The following ANKRD6 variants were observed in gnomAD, a reference collection of about 807,000 sequenced individuals.
ANKRD6 encodes the protein ankyrin repeat domain 6.
In ANKRD6, 56 loss-of-function variants were observed where a neutral mutation model predicts 82.3. That is an observed-to-expected ratio of 0.68 (90% CI 0.55 to 0.85). The LOEUF is 0.85. Ranked by LOEUF, ANKRD6 falls within the 40% of genes least tolerant of loss-of-function variation. ANKRD6 has a pLI of 0.00. For synonymous variants in ANKRD6, 347 were observed against 352.1 expected (o/e 0.99, Z 0.16); for missense variants, 852 against 907.6 (o/e 0.94, Z 0.79).
intron 2 of ANKRD6, among the ~76,000 whole-genome samples, chr6:89,567,929 G>A (rs952300565): frequency 4.6e-5 from 7 of 152,162 alleles, no homozygotes; most frequent in Non-Finnish European, 8.8e-5. Context: ...TGTGAAGAGG[G>A]GCAAAGTTTA....
intron 1 of ANKRD6, among the ~76,000 whole-genome samples, chr6:89,492,405 C>G (rs1200974081): frequency 6.6e-6 from 1 of 152,028 alleles, no homozygotes; most frequent in Non-Finnish European, 1.5e-5. Context: ...CACCGGGTGA[C>G]CCAGCAAAAA....
At chr6:89,583,507 G>T (rs1433339750) in intron 2 of ANKRD6, among the ~76,000 whole-genome samples, 1 of 152,180 alleles carries the variant, frequency 6.6e-6, no homozygotes, top group Admixed American at 6.5e-5. Context: ...GCAAAGGTAG[G>T]TAGGTGTCCC....
rs923107732 is a variant in ANKRD6 at position 89,623,456 on chromosome 6, C to T, written c.944C>T (p.Ala315Val). 2 of 1,610,202 alleles carry T rather than the reference C, an allele frequency of 1.2e-6. No homozygotes were observed. The highest frequency in any genetic ancestry group is 2.2e-5 in the East Asian group (1 of 44,764). The change falls in exon 11 of 16, where the codon GCC (alanine) becomes GTC (valine). Residue 315 changes from alanine (A) to valine (V), a missense_variant. Ala to Val is a moderately conservative substitution (Grantham distance 64). Transcript: ENST00000339746. ...ACCCCCAGCAGTGAACAGGCTGTGG[C>T]CAGAAAAGAAGAAGCCAGAGAAGAG... ...GDTPSSEQAV[A>V]RKEEAREEFL...
At chr6:89,518,350 C>T (rs1013007973) in intron 1 of ANKRD6, among the ~76,000 whole-genome samples, 7 of 150,960 alleles carry the variant, frequency 4.6e-5, no homozygotes, top group East Asian at 3.9e-4. Flanking sequence ...GGCGGTGAGC[C>T]GAGATCGCGC....
At chr6:89,564,352 A>T (rs544804791) in intron 1 of ANKRD6, among the ~76,000 whole-genome samples, 3 of 152,252 alleles carry the variant, frequency 2.0e-5, no homozygotes, top group African/African-American at 7.2e-5. Context: ...CTGCTTGGCC[A>T]ATGTTTTCTC....
chr6:89,496,374 G>T lies in ANKRD6; in HGVS notation c.-144+62999G>T, dbSNP rs78619571. Among the ~76,000 whole-genome samples the T allele has an allele frequency of 3.1e-3, 468 of 152,290 alleles. 20 individuals are homozygous for T. In the East Asian group the frequency reaches 0.073, roughly 24 times the overall value. On this transcript the variant is annotated intron_variant, in intron 1 of 15. Transcript: ENST00000339746. ...CTGGGATCCTGTTGATAACAAGCTT[G>T]CAGGAAACTCACTGAAGTCAACGTG...
At chr6:89,626,506 C>T (rs1226715379) in intron 13 of ANKRD6, among the ~76,000 whole-genome samples, 2 of 152,188 alleles carry the variant, frequency 1.3e-5, no homozygotes, top group African/African-American at 2.4e-5. Flanking sequence ...TCCTAGAAAA[C>T]AGGAGGAGCA....
intron 2 of ANKRD6, among the ~76,000 whole-genome samples, chr6:89,569,104 G>T (rs1004398807): frequency 6.6e-6 from 1 of 151,844 alleles, no homozygotes; most frequent in Non-Finnish European, 1.5e-5. Flanking sequence ...AGTAGAGATA[G>T]GGTTTCACCG....
chr6:89,517,051 G>A (rs1046001554), intron 1 of ANKRD6, among the ~76,000 whole-genome samples: 4 of 152,092 alleles, frequency 2.6e-5, no homozygotes, highest in Non-Finnish European at 5.9e-5. Flanking sequence ...CTGATTTTTA[G>A]TATAGATGGG....
At chr6:89,627,560 A>C (rs752235348) in intron 13 of ANKRD6, 23 bp from the exon 14 acceptor site, 7 of 1,609,998 alleles carry the variant, frequency 4.3e-6, no homozygotes, top group Middle Eastern at 1.6e-4. Context: ...TCAGTCTTAC[A>C]CTCTGCTCCA....
intron 5 of ANKRD6, among the ~76,000 whole-genome samples, chr6:89,609,884 C>T (rs1799782171): frequency 6.6e-6 from 1 of 152,178 alleles, no homozygotes; most frequent in Non-Finnish European, 1.5e-5. Flanking sequence ...TGATGGATTA[C>T]AGGCGTGAAC....
chr6:89,559,543 T>C (rs1787087688), intron 1 of ANKRD6, among the ~76,000 whole-genome samples: 1 of 152,206 alleles, frequency 6.6e-6, no homozygotes, highest in Non-Finnish European at 1.5e-5. Context: ...TCAGAGCAGA[T>C]TTAAGCAATG....
At chr6:89,525,164 C>T (rs1308286166) in intron 1 of ANKRD6, among the ~76,000 whole-genome samples, 2 of 151,826 alleles carry the variant, frequency 1.3e-5, no homozygotes, top group Non-Finnish European at 2.9e-5. Context: ...CCTGGTGGCA[C>T]ACACCTCTAG....
chr6:89,530,831 C>T (rs762346028), intron 1 of ANKRD6, among the ~76,000 whole-genome samples: 4 of 152,174 alleles, frequency 2.6e-5, no homozygotes, highest in East Asian at 1.9e-4. Flanking sequence ...TGGTATCTCC[C>T]GGCTCTGCCA....
At chr6:89,608,495 A>T (rs190886285) in intron 5 of ANKRD6, among the ~76,000 whole-genome samples, 108 of 151,924 alleles carry the variant, frequency 7.1e-4, no homozygotes, top group African/African-American at 2.5e-3. Flanking sequence ...ATCAAGCTAT[A>T]GAAATATACC....
intron 3 of ANKRD6, among the ~76,000 whole-genome samples, chr6:89,600,748 A>G (rs573381062): frequency 3.9e-5 from 6 of 152,252 alleles, no homozygotes; most frequent in African/African-American, 1.4e-4. Flanking sequence ...AAAAGTTGAG[A>G]CGTGGGGCCA....
chr6:89,438,997 T>C (rs947113848), intron 1 of ANKRD6, among the ~76,000 whole-genome samples: 7 of 131,998 alleles, frequency 5.3e-5, no homozygotes, highest in Admixed American at 3.6e-4. Context: ...TATGTGTTTG[T>C]ATATATGTAT....
chr6:89,470,615 C>CAAT (rs10646494), intron 1 of ANKRD6, among the ~76,000 whole-genome samples: 22,171 of 151,306 alleles, frequency 0.15, 2,064 homozygotes, highest in East Asian at 0.4. Context: ...GACCCTGCCT[C>CAAT]AATAATAATA....
At chr6:89,591,951 C>T (rs1795002005) in intron 2 of ANKRD6, among the ~76,000 whole-genome samples, 1 of 152,216 alleles carries the variant, frequency 6.6e-6, no homozygotes, top group Non-Finnish European at 1.5e-5. Flanking sequence ...GGATGTCACA[C>T]CTCCTTGCTG....
Sources: gnomAD v4.1 joint callset for allele counts (sites outside exome capture counted in the v4.1 genomes callset) on GRCh38, gnomAD v4.1.1 for gene constraint, MANE v1.5 for transcripts, NCBI Gene and HGNC (gene_info 2026-07-23, HGNC 2026-07-21) for gene names.